Variants in SAMTOR observed in about 807,000 individuals in gnomAD.
SAMTOR encodes S-adenosylmethionine sensor upstream of mTORC1.
At chr7:112,858,350 CA>C in the SAMTOR span, among the ~76,000 whole-genome samples, 10 of 150,354 alleles carry the variant, frequency 6.7e-5, no homozygotes, top group Admixed American at 5.3e-4. Context: ...ACATGAAGAC[CA>C]CACTAGATAC....
chr7:112,850,482 GTTC>G, the SAMTOR span, among the ~76,000 whole-genome samples: 4 of 152,172 alleles, frequency 2.6e-5, no homozygotes, highest in Non-Finnish European at 2.9e-5. Flanking sequence ...ATTGGTACCA[GTTC>G]TTCTTTGTGC....
At chr7:112,836,348 ATT>A in the SAMTOR span, among the ~76,000 whole-genome samples, 4 of 151,862 alleles carry the variant, frequency 2.6e-5, no homozygotes, top group Non-Finnish European at 5.9e-5. Flanking sequence ...CTACCTGCAA[ATT>A]TGTTTAAGTT....
chr7:112,869,589 T>C, the SAMTOR span, among the ~76,000 whole-genome samples: 1 of 150,388 alleles, frequency 6.6e-6, no homozygotes, highest in African/African-American at 2.4e-5. Context: ...ATCCCAATGA[T>C]AGCAAATTCA....
the SAMTOR span, among the ~76,000 whole-genome samples, chr7:112,934,460 C>T: frequency 3.3e-5 from 5 of 152,298 alleles, no homozygotes; most frequent in South Asian, 2.1e-4. Flanking sequence ...TACATTTTCC[C>T]GGGAAAGAAA....
the SAMTOR span, among the ~76,000 whole-genome samples, chr7:112,932,830 T>C: frequency 6.6e-6 from 1 of 152,188 alleles, no homozygotes; most frequent in East Asian, 1.9e-4. Context: ...TTCAAGAGTT[T>C]ACATTACAAT....
the SAMTOR span, chr7:112,821,142 G>A: frequency 1.3e-5 from 2 of 152,514 alleles, no homozygotes; most frequent in South Asian, 2.1e-4. Context: ...AATGTCTGAT[G>A]CTGTCAAATG....
the SAMTOR span, among the ~76,000 whole-genome samples, chr7:112,877,645 T>A: frequency 6.6e-6 from 1 of 152,178 alleles, no homozygotes; most frequent in Non-Finnish European, 1.5e-5. Context: ...GTTTGGATAT[T>A]TGTCCCCATT....
the SAMTOR span, among the ~76,000 whole-genome samples, chr7:112,905,761 C>G: frequency 6.6e-6 from 1 of 151,870 alleles, no homozygotes; most frequent in South Asian, 2.1e-4. Flanking sequence ...TACAAGTTGG[C>G]AAACACTTCC....
chr7:112,856,746 A>G, the SAMTOR span, among the ~76,000 whole-genome samples: 1 of 152,246 alleles, frequency 6.6e-6, no homozygotes, highest in African/African-American at 2.4e-5. Context: ...TTTATTGTCC[A>G]AATGTATTTA....
the SAMTOR span, among the ~76,000 whole-genome samples, chr7:112,846,456 A>G: frequency 0.011 from 1,618 of 152,236 alleles, 28 homozygotes; most frequent in African/African-American, 0.037. Context: ...TGTGACATGA[A>G]TTTATCTATA....
the SAMTOR span, among the ~76,000 whole-genome samples, chr7:112,881,936 G>A: frequency 1.3e-5 from 2 of 152,356 alleles, no homozygotes; most frequent in Non-Finnish European, 2.9e-5. Context: ...GCAACAAGGA[G>A]AGAAGAGCTG....
chr7:112,929,011 A>AT, the SAMTOR span, among the ~76,000 whole-genome samples: 4 of 152,088 alleles, frequency 2.6e-5, no homozygotes, highest in Non-Finnish European at 4.4e-5. Flanking sequence ...AGGTTCATGC[A>AT]TTTTTACATG....
the SAMTOR span, among the ~76,000 whole-genome samples, chr7:112,930,621 T>C: frequency 6.6e-6 from 1 of 152,140 alleles, no homozygotes; most frequent in East Asian, 1.9e-4. Flanking sequence ...CATCCAGTCT[T>C]TAATGTCATA....
At chr7:112,855,568 T>C in the SAMTOR span, among the ~76,000 whole-genome samples, 1 of 152,288 alleles carries the variant, frequency 6.6e-6, no homozygotes, top group East Asian at 1.9e-4. Context: ...GGCTGGCTGC[T>C]GGGAGTCATT....
the SAMTOR span, among the ~76,000 whole-genome samples, chr7:112,931,292 C>T: frequency 1.3e-5 from 2 of 151,674 alleles, no homozygotes; most frequent in Non-Finnish European, 2.9e-5. Context: ...CCTTAAGAGT[C>T]CAATTTAATT....
At chr7:112,907,560 CA>C in the SAMTOR span, among the ~76,000 whole-genome samples, 1 of 148,434 alleles carries the variant, frequency 6.7e-6, no homozygotes, top group African/African-American at 2.5e-5. Flanking sequence ...ACAAAGGGCA[CA>C]AATATTTATA....
At chr7:112,894,274 T>C in the SAMTOR span, among the ~76,000 whole-genome samples, 1 of 152,090 alleles carries the variant, frequency 6.6e-6, no homozygotes, top group Non-Finnish European at 1.5e-5. Context: ...ATGACATTTA[T>C]TGAATAAGTT....
chr7:112,849,495 T>A, the SAMTOR span, among the ~76,000 whole-genome samples: 1 of 152,168 alleles, frequency 6.6e-6, no homozygotes, highest in Non-Finnish European at 1.5e-5. Context: ...ATTCTAACTA[T>A]ACAATTTTAG....
the SAMTOR span, among the ~76,000 whole-genome samples, chr7:112,936,470 T>C: frequency 1.3e-5 from 2 of 152,180 alleles, no homozygotes; most frequent in African/African-American, 2.4e-5. Context: ...GCCTACCTGC[T>C]ACTCTTTACA....
Sources: gnomAD v4.1 joint callset for allele counts (sites outside exome capture counted in the v4.1 genomes callset) on GRCh38, gnomAD v4.1.1 for gene constraint, MANE v1.5 for transcripts, NCBI Gene and HGNC (gene_info 2026-07-23, HGNC 2026-07-21) for gene names.